Variants in MYRIP observed in about 807,000 individuals in gnomAD.
MYRIP encodes myosin VIIA and Rab interacting protein.
A neutral mutation model predicts 98.0 loss-of-function variants in MYRIP; 49 were observed. The ratio of observed to expected loss-of-function variants is 0.50; its 90% CI spans 0.40 to 0.63. The LOEUF (loss-of-function observed/expected upper bound fraction) is 0.63, where lower values mean the gene tolerates loss of function less well. MYRIP is among the 30% of genes least tolerant of loss of function. The pLI, the probability that MYRIP is intolerant of heterozygous loss-of-function variation, is 0.00. For missense variants in MYRIP, 1,004 were observed against 1,058.2 expected (o/e 0.95, Z 0.71); for synonymous variants, 404 against 409.5 (o/e 0.99, Z 0.16).
chr3:39,861,203 G>C (rs573653591), intron 1 of MYRIP, among the ~76,000 whole-genome samples: 16 of 152,200 alleles, frequency 1.1e-4, no homozygotes, highest in Non-Finnish European at 2.1e-4. Context: ...CCCAGAGTTA[G>C]AGCATGCAGC....
chr3:40,158,240 T>C (rs1009635045), intron 4 of MYRIP, among the ~76,000 whole-genome samples: 8 of 152,172 alleles, frequency 5.3e-5, no homozygotes, highest in African/African-American at 1.7e-4. Flanking sequence ...TTTCTGCCTT[T>C]ATTTCGTTAT....
chr3:40,074,077 CTTTTTTT>C (rs34272356), intron 3 of MYRIP, among the ~76,000 whole-genome samples: 1 of 144,074 alleles, frequency 6.9e-6, no homozygotes, highest in African/African-American at 2.6e-5. Context: ...TATTTAGAAA[CTTTTTTT>C]TTTTTTTTGA....
At chr3:40,024,466 C>A (rs1307067876) in intron 2 of MYRIP, among the ~76,000 whole-genome samples, 1 of 151,888 alleles carries the variant, frequency 6.6e-6, no homozygotes, top group South Asian at 2.1e-4. Context: ...ATGGGACAGT[C>A]AGCAACTTCA....
chr3:40,220,840 A>G (rs1559462029), intron 11 of MYRIP, among the ~76,000 whole-genome samples: 1 of 151,970 alleles, frequency 6.6e-6, no homozygotes, highest in Non-Finnish European at 1.5e-5. Flanking sequence ...ACTTTTAAAC[A>G]ATCAGATCTC....
chr3:40,075,613 T>C (rs1031023109), intron 3 of MYRIP, among the ~76,000 whole-genome samples: 3 of 152,252 alleles, frequency 2.0e-5, no homozygotes, highest in Non-Finnish European at 4.4e-5. Flanking sequence ...AATAACTTAA[T>C]AGAATGCTTA....
At chr3:40,005,164 A>C (rs79741541) in intron 2 of MYRIP, among the ~76,000 whole-genome samples, 4,809 of 152,254 alleles carry the variant, frequency 0.032, 177 homozygotes, top group African/African-American at 0.087. Context: ...ACATTTACTT[A>C]CTTTATCCAA....
At chr3:39,831,698 T>G (rs1157640605) in intron 1 of MYRIP, among the ~76,000 whole-genome samples, 1 of 152,202 alleles carries the variant, frequency 6.6e-6, no homozygotes. Flanking sequence ...ACCTATGTCA[T>G]TCTACATATA....
intron 1 of MYRIP, among the ~76,000 whole-genome samples, chr3:39,839,906 T>C (rs147802717): frequency 3.3e-5 from 5 of 152,140 alleles, no homozygotes; most frequent in African/African-American, 9.7e-5. Context: ...TGGTCAATTT[T>C]AGAATAAGTG....
At chr3:39,882,376 C>T (rs1400187210) in intron 1 of MYRIP, among the ~76,000 whole-genome samples, 1 of 152,126 alleles carries the variant, frequency 6.6e-6, no homozygotes, top group Non-Finnish European at 1.5e-5. Flanking sequence ...GCATGTCCAG[C>T]TGGACACAAA....
At chr3:40,172,653 G>T (rs796832983) in intron 8 of MYRIP, among the ~76,000 whole-genome samples, 7 of 152,244 alleles carry the variant, frequency 4.6e-5, no homozygotes, top group African/African-American at 1.7e-4. Context: ...GGTCAGCAAG[G>T]CTCCAGGCCC....
At chr3:40,095,021 C>G (rs1272831563) in intron 3 of MYRIP, among the ~76,000 whole-genome samples, 1 of 152,140 alleles carries the variant, frequency 6.6e-6, no homozygotes, top group African/African-American at 2.4e-5. Flanking sequence ...CTCCTCCTCA[C>G]CTAATTGCTG....
chr3:40,042,288 TAAAAAAA>T (rs66600615), intron 2 of MYRIP, among the ~76,000 whole-genome samples: 11 of 112,578 alleles, frequency 9.8e-5, no homozygotes, highest in South Asian at 8.4e-4. Flanking sequence ...ACTGGAAGGA[TAAAAAAA>T]AAAAAAAAAA....
At chr3:40,213,041 G>T (rs934689048) in intron 11 of MYRIP, among the ~76,000 whole-genome samples, 19 of 152,172 alleles carry the variant, frequency 1.2e-4, no homozygotes, top group Non-Finnish European at 2.9e-5. Flanking sequence ...TTCATTTCTT[G>T]CCTGCTTACT....
intron 16 of MYRIP, among the ~76,000 whole-genome samples, chr3:40,257,207 C>T (rs1175976826): frequency 6.6e-6 from 1 of 152,016 alleles, no homozygotes; most frequent in Non-Finnish European, 1.5e-5. Context: ...GCCTGTAGTC[C>T]CAGCTACTGG....
At chr3:39,824,234 A>G (rs1409658385) in intron 1 of MYRIP, among the ~76,000 whole-genome samples, 3 of 152,066 alleles carry the variant, frequency 2.0e-5, no homozygotes, top group Non-Finnish European at 4.4e-5. Flanking sequence ...TGGCAATATT[A>G]TGCTGTTTTG....
intron 3 of MYRIP, among the ~76,000 whole-genome samples, chr3:40,079,193 C>A (rs540654853): frequency 6.6e-6 from 1 of 152,180 alleles, no homozygotes; most frequent in Non-Finnish European, 1.5e-5. Flanking sequence ...CACGATTTAC[C>A]ATTTAAGCCT....
intron 3 of MYRIP, among the ~76,000 whole-genome samples, chr3:40,098,203 G>C (rs1306304662): frequency 6.6e-6 from 1 of 152,130 alleles, no homozygotes; most frequent in East Asian, 1.9e-4. Context: ...CATTAAGTTT[G>C]CATTTTATTT....
At chr3:40,079,362 T>C (rs1948425627) in intron 3 of MYRIP, among the ~76,000 whole-genome samples, 1 of 152,086 alleles carries the variant, frequency 6.6e-6, no homozygotes, top group Admixed American at 6.5e-5. Flanking sequence ...TCTAACTTTT[T>C]AGTGTCTAGT....
chr3:39,959,563 A>G (rs993748272), intron 2 of MYRIP, among the ~76,000 whole-genome samples: 1 of 151,946 alleles, frequency 6.6e-6, no homozygotes, highest in African/African-American at 2.4e-5. Flanking sequence ...TAGGAGATAT[A>G]CCTAATGTAA....
Sources: gnomAD v4.1 joint callset for allele counts (sites outside exome capture counted in the v4.1 genomes callset) on GRCh38, gnomAD v4.1.1 for gene constraint, MANE v1.5 for transcripts, NCBI Gene and HGNC (gene_info 2026-07-23, HGNC 2026-07-21) for gene names.